Variants in GRIK1 observed in about 807,000 individuals in gnomAD.
GRIK1 encodes glutamate receptor ionotropic, kainate 1.
In GRIK1, 69 loss-of-function variants were observed where a neutral mutation model predicts 105.7. That is an observed-to-expected ratio of 0.65 (90% confidence interval 0.54 to 0.80). The LOEUF (loss-of-function observed/expected upper bound fraction) is 0.80. Among genes scored for constraint, GRIK1 ranks in the 30% least tolerant of loss-of-function variants. The pLI, the probability that GRIK1 is intolerant of heterozygous loss-of-function variation, is 0.00. For synonymous variants in GRIK1, 438 were observed against 431.3 expected, an observed-to-expected ratio of 1.02 and a Z score of -0.19; for missense variants, 1,109 against 1,167.3, an observed-to-expected ratio of 0.95 and a Z score of 0.73.
chr21:29,581,647 C>A, intron 12 of GRIK1, 104 bp from the exon 13 acceptor site: 1 of 666,544 alleles, frequency 1.5e-6, no homozygotes. Flanking sequence ...CAATTAATCA[C>A]AAAAGCTTCA....
chr21:29,721,260 CTCCG>C (rs2064314046), intron 1 of GRIK1, among the ~76,000 whole-genome samples: 1 of 152,062 alleles, frequency 6.6e-6, no homozygotes, highest in Non-Finnish European at 1.5e-5. Flanking sequence ...TTATTGAACC[CTCCG>C]AGGATAGATG....
At chr21:29,939,322 C>G in intron 1 of GRIK1, 61 bp downstream of exon 1, 3 of 1,008,484 alleles carry the variant, frequency 3.0e-6, no homozygotes, top group Non-Finnish European at 4.6e-6. Flanking sequence ...GGACCCGCTA[C>G]ACCCGCGTTG....
At chr21:29,888,297 C>T (rs1335835220) in intron 1 of GRIK1, among the ~76,000 whole-genome samples, 1 of 144,912 alleles carries the variant, frequency 6.9e-6, no homozygotes, top group Non-Finnish European at 1.5e-5. Flanking sequence ...AGAGTTTCTC[C>T]TCTGTCACTA....
intron 5 of GRIK1, among the ~76,000 whole-genome samples, chr21:29,651,522 T>C (rs1485637651): frequency 6.6e-6 from 1 of 152,094 alleles, no homozygotes; most frequent in Non-Finnish European, 1.5e-5. Context: ...CTGAGTAGCA[T>C]GAGGAAATCT....
At chr21:29,659,818 C>T (rs1206604750) in intron 4 of GRIK1, among the ~76,000 whole-genome samples, 2 of 151,920 alleles carry the variant, frequency 1.3e-5, no homozygotes, top group Admixed American at 6.6e-5. Context: ...AAAAATTAGT[C>T]GGCAGTGGTG....
chr21:29,932,625 G>C (rs2071606832), intron 1 of GRIK1, among the ~76,000 whole-genome samples: 1 of 152,010 alleles, frequency 6.6e-6, no homozygotes, highest in Non-Finnish European at 1.5e-5. Context: ...AATAGTGACA[G>C]TGCTGTATAA....
chr21:29,755,100 C>A (rs2065302256), intron 1 of GRIK1, among the ~76,000 whole-genome samples: 1 of 152,290 alleles, frequency 6.6e-6, no homozygotes, highest in Middle Eastern at 3.4e-3. Context: ...TTTGAATACA[C>A]AAATTCTATA....
chr21:29,755,387 T>A (rs1431325369), intron 1 of GRIK1, among the ~76,000 whole-genome samples: 2 of 152,212 alleles, frequency 1.3e-5, no homozygotes, highest in African/African-American at 4.8e-5. Flanking sequence ...GGAACACCAT[T>A]TATCATGTGC....
intron 1 of GRIK1, among the ~76,000 whole-genome samples, chr21:29,878,392 G>A (rs895026554): frequency 2.6e-5 from 4 of 152,084 alleles, no homozygotes; most frequent in Non-Finnish European, 5.9e-5. Flanking sequence ...CAATGTGAAT[G>A]GTGCTATGAT....
intron 16 of GRIK1, among the ~76,000 whole-genome samples, chr21:29,541,666 A>G (rs990380564): frequency 6.8e-6 from 1 of 147,288 alleles, no homozygotes; most frequent in East Asian, 2.0e-4. Context: ...CTGTGCAGCA[A>G]TTCCTTTGAG....
rs59241719 is a variant in GRIK1, at chr21:29,888,197, C to CTTTCTT, written c.118+51185_118+51186insAAGAAA. Among the ~76,000 whole-genome samples the CTTTCTT allele has an allele frequency of 5.8e-3, 130 of 22,338 alleles. 7 individuals are homozygous for CTTTCTT. The highest frequency in any genetic ancestry group is 0.022 in the Middle Eastern group (1 of 46). 14.7% of individuals were successfully genotyped at this position (22,338 alleles called of 152,430 possible). On this transcript the variant is annotated intron_variant, in intron 1 of 17. Coordinates refer to ENST00000327783, the MANE Select transcript of GRIK1 (RefSeq NM_001330994.2). ...TCTTTCTTTCTTCCTTTCTTTCTTT[C>CTTTCTT]TCTCTCTCTCTCTCTCTCTCTCTCT...
At chr21:29,799,155 A>G (rs1230682073) in intron 1 of GRIK1, among the ~76,000 whole-genome samples, 3 of 152,182 alleles carry the variant, frequency 2.0e-5, no homozygotes, top group Non-Finnish European at 1.5e-5. Flanking sequence ...AAACAATCAC[A>G]TCTTCCGTCT....
At chr21:29,812,086 A>T (rs899790905) in intron 1 of GRIK1, among the ~76,000 whole-genome samples, 2 of 152,064 alleles carry the variant, frequency 1.3e-5, no homozygotes, top group African/African-American at 4.8e-5. Flanking sequence ...ATTGACACCT[A>T]TGTGTGTGTC....
At chr21:29,814,494 C>T (rs143743995) in intron 1 of GRIK1, among the ~76,000 whole-genome samples, 1 of 152,088 alleles carries the variant, frequency 6.6e-6, no homozygotes, top group Non-Finnish European at 1.5e-5. Context: ...CCATTTACAG[C>T]CTAATTGGCA....
At chr21:29,902,230 C>T (rs2070437260) in intron 1 of GRIK1, among the ~76,000 whole-genome samples, 1 of 152,164 alleles carries the variant, frequency 6.6e-6, no homozygotes, top group South Asian at 2.1e-4. Context: ...CCTTTGAAAA[C>T]CGGCATAAGA....
intron 1 of GRIK1, among the ~76,000 whole-genome samples, chr21:29,803,466 A>C (rs1450531117): frequency 1.3e-5 from 2 of 152,152 alleles, no homozygotes; most frequent in African/African-American, 4.8e-5. Context: ...AAAAGTGTCA[A>C]TAGAATGCAG....
intron 1 of GRIK1, among the ~76,000 whole-genome samples, chr21:29,867,900 G>GAGAGAA (rs1229927916): frequency 8.0e-6 from 1 of 124,396 alleles, no homozygotes; most frequent in Non-Finnish European, 1.7e-5. Context: ...GAGAGAGAGA[G>GAGAGAA]AGAAAGAAAG....
intron 1 of GRIK1, among the ~76,000 whole-genome samples, chr21:29,932,182 G>A (rs2071589171): frequency 6.6e-6 from 1 of 152,098 alleles, no homozygotes; most frequent in Non-Finnish European, 1.5e-5. Context: ...ACACAACATG[G>A]CCTAATCTTT....
intron 2 of GRIK1, among the ~76,000 whole-genome samples, chr21:29,691,622 T>C (rs924623596): frequency 6.6e-6 from 1 of 152,220 alleles, no homozygotes; most frequent in African/African-American, 2.4e-5. Flanking sequence ...AAACACACTT[T>C]CAAATTTATA....
Sources: gnomAD v4.1 joint callset for allele counts (sites outside exome capture counted in the v4.1 genomes callset) on GRCh38, gnomAD v4.1.1 for gene constraint, MANE v1.5 for transcripts, NCBI Gene and HGNC (gene_info 2026-07-23, HGNC 2026-07-21) for gene names.